FASTKD1: variants seen among roughly 807,000 people sequenced by gnomAD.
FASTKD1 encodes FAST kinase domains 1, also known as FAST kinase domain-containing protein 1, mitochondrial.
Under a neutral mutation model 90.9 loss-of-function variants are expected in FASTKD1, and 94 were observed. The ratio of observed to expected loss-of-function variants is 1.03; its 90% confidence interval spans 0.88 to 1.23. The LOEUF (loss-of-function observed/expected upper bound fraction) is 1.23, where lower values mean the gene tolerates loss of function less well. Among genes scored for constraint, FASTKD1 ranks in the 50% most tolerant of loss-of-function variants. The probability of loss-of-function intolerance (pLI) is 0.00; values close to 1 mark genes in which losing one functional copy is unlikely to be tolerated. For synonymous variants in FASTKD1, 319 were observed against 345.8 expected (o/e 0.92, Z 0.86); for missense variants, 945 against 993.5 (o/e 0.95, Z 0.66).
chr2:169,545,085 G>C (rs528814867), intron 8 of FASTKD1, among the ~76,000 whole-genome samples: 1 of 152,130 alleles, frequency 6.6e-6, no homozygotes, highest in African/African-American at 2.4e-5. Flanking sequence ...TATTTTGTTA[G>C]GTGTAAAATT....
At chr2:169,548,090 GAAGA>G in intron 7 of FASTKD1, among the ~76,000 whole-genome samples, 1 of 150,790 alleles carries the variant, frequency 6.6e-6, no homozygotes, top group Admixed American at 6.6e-5. Context: ...AATAAAACAG[GAAGA>G]CCTGTTCTGA....
In FASTKD1 at chr2:169,529,925, A is replaced by G; in HGVS notation, c.2444T>C (p.Ile815Thr). Residue 815 changes from isoleucine to threonine, a missense_variant and splice_region_variant, in exon 15 of 15, where the codon ATT becomes ACT. Transcript: ENST00000453153. Reference sequence around the variant, plus strand: ...CATAGAGTTCCATTCAAACTGGGAAATCTGAAAATAAGTAATGTTGTTTGA... The same window carrying G: ...CATAGAGTTCCATTCAAACTGGGAAGTCTGAAAATAAGTAATGTTGTTTGA... ...LEILGYRVIQISQFEWNSMAL... is the reference protein window; with the variant it reads ...LEILGYRVIQTSQFEWNSMAL... 6.2e-7 allele frequency: 1 copy of G among 1,602,142 alleles called. No individual in the cohort carries two copies. The highest frequency in any genetic ancestry group is 8.5e-7 in the Non-Finnish European group (1 of 1,173,136).
chr2:169,547,665 G>A (rs1348687035), intron 7 of FASTKD1, among the ~76,000 whole-genome samples: 1 of 152,030 alleles, frequency 6.6e-6, no homozygotes, highest in Non-Finnish European at 1.5e-5. Flanking sequence ...GGAGGCCAAG[G>A]ACAGGGGTTC....
intron 1 of FASTKD1, among the ~76,000 whole-genome samples, chr2:169,572,571 C>G (rs1375482243): frequency 6.7e-6 from 1 of 149,976 alleles, no homozygotes; most frequent in Non-Finnish European, 1.5e-5. Flanking sequence ...TTTAATTTTT[C>G]AGAAGTATGG....
In FASTKD1 at chr2:169,537,203, C is replaced by T; in HGVS notation, c.2188+24G>A. 3 of 1,319,020 alleles carry T rather than the reference C, an allele frequency of 2.3e-6. No homozygotes were observed. In the South Asian group the frequency reaches 3.6e-5, roughly 16 times the overall value. 81.7% of individuals were successfully genotyped at this position (1,319,020 alleles called of 1,614,324 possible). ...AATTAGTTTGATTTTCTGAAAGTAA[C>T]TAATAACCTACCCAATAACTTACCT... On this transcript the variant is annotated intron_variant, in intron 12 of 14. Transcript: ENST00000453153.
intron 12 of FASTKD1, chr2:169,537,005 T>C: frequency 3.1e-6 from 1 of 317,776 alleles, no homozygotes; most frequent in Admixed American, 4.9e-5. Flanking sequence ...ATTTTTTTTT[T>C]TTTTTTTCTA....
intron 13 of FASTKD1, 191 bp downstream of exon 13, chr2:169,531,161 G>T: frequency 1.3e-6 from 1 of 770,382 alleles, no homozygotes; most frequent in Non-Finnish European, 2.4e-6. Flanking sequence ...TAGGGAGATT[G>T]CTAGGCTTTG....
chr2:169,536,995 A>ATT (rs769352998), intron 12 of FASTKD1: 934 of 239,514 alleles, frequency 3.9e-3, no homozygotes, highest in South Asian at 8.3e-3. Flanking sequence ...ACTGACCTTA[A>ATT]TTTTTTTTTT....
intron 7 of FASTKD1, among the ~76,000 whole-genome samples, chr2:169,550,015 G>A (rs1236864329): frequency 1.3e-5 from 2 of 152,128 alleles, no homozygotes; most frequent in South Asian, 2.1e-4. Flanking sequence ...GGTAAAAGAT[G>A]TGTGTTGTTA....
chr2:169,561,950 A>ATTAATTTATTGTAATTTAATTAT (rs1559157103), intron 4 of FASTKD1, among the ~76,000 whole-genome samples: 1 of 74,502 alleles, frequency 1.3e-5, no homozygotes, highest in Non-Finnish European at 2.6e-5. Flanking sequence ...TTATAAATTA[A>ATTAATTTATTGTAATTTAATTAT]TTATTAATTT....
chr2:169,555,225 A>C lies in FASTKD1; in HGVS notation c.1113T>G (p.Asp371Glu), dbSNP rs553829421. 1.2e-5 allele frequency: 20 copies of C among 1,611,092 alleles called. No homozygotes were observed. The South Asian group carries it at 2.2e-4, about 18-fold the overall frequency. The change falls in exon 7 of 15, where the codon GAT becomes GAG. Residue 371 changes from aspartate to glutamate, a missense_variant. By Grantham distance (45) the Asp-to-Glu change is conservative. Transcript: ENST00000453153. ...TCAACAACTCTAATGGTTTATAGCC[A>C]TCCAAATGTTTATGCAGAACTGAAG... is the stretch of plus-strand genomic sequence containing the variant. ...RVTSVLHKHL[D>E]GYKPLELLKI...
In FASTKD1 at chr2:169,537,216, C is replaced by G. The variant is rs759453718; in HGVS notation, c.2188+11G>C. 14 of 1,455,456 alleles carry G rather than the reference C, an allele frequency of 9.6e-6. No homozygotes were observed. Among genetic ancestry groups the G allele is most frequent in the Non-Finnish European group, 1.4e-5 (14 of 1,036,666 alleles). 90.2% of individuals were successfully genotyped at this position (1,455,456 alleles called of 1,614,324 possible). Reference sequence around the variant, plus strand: ...TTCTGAAAGTAACTAATAACCTACCCAATAACTTACCTACTTTGTGGTAAT... The same window carrying G: ...TTCTGAAAGTAACTAATAACCTACCGAATAACTTACCTACTTTGTGGTAAT... On this transcript the variant is annotated intron_variant, in intron 12 of 14. Transcript: ENST00000453153.
chr2:169,553,910 A>C (rs927142943), intron 7 of FASTKD1, among the ~76,000 whole-genome samples: 1 of 152,042 alleles, frequency 6.6e-6, no homozygotes, highest in Non-Finnish European at 1.5e-5. Flanking sequence ...CGACAGAGCG[A>C]GACTCCATCT....
At position 169,546,228 on chromosome 2, in the gene FASTKD1, T is replaced by C. The variant is rs1400671379; in HGVS notation, c.1691A>G (p.Gln564Arg). ...CCATTTAAATTTCACCTTTTCAATC[T>C]GCTGAACAGCCACTGAGGCTATCCT... The part of the protein sequence containing the change: ...LDRIASVAVQ[Q>R]IEKIHPFTIP... The change falls in exon 8 of 15, where the codon CAG becomes CGG. Residue 564 changes from glutamine to arginine, a missense_variant. Coordinates refer to ENST00000453153, the MANE Select transcript of FASTKD1 (RefSeq NM_024622.6). The C allele has an allele frequency of 1.9e-6, 3 of 1,554,872 alleles. No individual in the cohort carries two copies. Among genetic ancestry groups the C allele is most frequent in the African/African-American group, 2.8e-5 (2 of 72,516 alleles).
chr2:169,529,261 G>A lies in FASTKD1; in HGVS notation c.*564C>T, dbSNP rs1684377436. On this transcript the variant is annotated 3_prime_UTR_variant, in exon 15 of 15. Transcript: ENST00000453153. ...AGTTAATGCTAATGACATCCTCTTA[G>A]TTGCTTAGGACAAAAACTTAGAATT... 6.7e-6 allele frequency among the ~76,000 whole-genome samples: 1 copy of A among 150,360 alleles called. No homozygotes were observed. Among genetic ancestry groups the A allele is most frequent in the Non-Finnish European group, 1.5e-5 (1 of 67,850 alleles).
At chr2:169,551,855 C>CAAT (rs1406490822) in intron 7 of FASTKD1, among the ~76,000 whole-genome samples, 1 of 152,070 alleles carries the variant, frequency 6.6e-6, no homozygotes, top group Admixed American at 6.6e-5. Context: ...AAAACCAATC[C>CAAT]ATGCAGTTAC....
chr2:169,550,085 C>T (rs1043536578), intron 7 of FASTKD1, among the ~76,000 whole-genome samples: 3 of 152,086 alleles, frequency 2.0e-5, no homozygotes, highest in African/African-American at 4.8e-5. Context: ...TGATCTCCAA[C>T]TCTTGGGCTC....
intron 12 of FASTKD1, among the ~76,000 whole-genome samples, chr2:169,534,608 C>T (rs111302197): frequency 5.9e-4 from 90 of 151,746 alleles, no homozygotes; most frequent in African/African-American, 2.0e-3. Flanking sequence ...TACAGGCGTG[C>T]GCCACCACGC....
intron 10 of FASTKD1, 21 bp from the exon 11 acceptor site, chr2:169,538,162 A>G: frequency 6.3e-7 from 1 of 1,578,718 alleles, no homozygotes; most frequent in Non-Finnish European, 8.6e-7. Context: ...TAAAATACTA[A>G]TGAATTTTGA....
Sources: gnomAD v4.1 joint callset for allele counts (sites outside exome capture counted in the v4.1 genomes callset) on GRCh38, gnomAD v4.1.1 for gene constraint, MANE v1.5 for transcripts, NCBI Gene and HGNC (gene_info 2026-07-23, HGNC 2026-07-21) for gene names.